NRG2: variants seen among roughly 807,000 people sequenced by gnomAD.
The protein encoded by NRG2 is pro-neuregulin-2, membrane-bound isoform.
Under a neutral mutation model 73.9 loss-of-function variants are expected in NRG2, and 27 were observed. The observed-to-expected ratio is 0.37, with a 90% CI of 0.27 to 0.50. NRG2 has a LOEUF of 0.50. Ranked by LOEUF, NRG2 falls within the 20% of genes least tolerant of loss-of-function variation. The pLI is 0.96. For missense variants in NRG2, 1,126 were observed against 1,210.1 expected, an observed-to-expected ratio of 0.93 and a Z score of 1.03; for synonymous variants, 532 against 541.0, an observed-to-expected ratio of 0.98 and a Z score of 0.23.
chr5:139,995,689 A>G (rs1757966674), intron 1 of NRG2, among the ~76,000 whole-genome samples: 1 of 152,070 alleles, frequency 6.6e-6, no homozygotes, highest in African/African-American at 2.4e-5. Context: ...GTCCACCTAC[A>G]GGTATTATGG....
chr5:139,852,540 G>A lies in NRG2; in HGVS notation c.1436C>T (p.Pro479Leu). 1 of 1,614,006 alleles carries A rather than the reference G, an allele frequency of 6.2e-7. No homozygotes were observed. The highest frequency in any genetic ancestry group is 8.5e-7 in the Non-Finnish European group (1 of 1,179,958). The change falls in exon 8 of 10, where the codon CCA (proline) becomes CTA (leucine). Residue 479 changes from proline to leucine, a missense_variant. This residue lies in a region of NRG2 where 539 missense variants were observed against 703.2 expected (regional missense o/e 0.77). Transcript: ENST00000361474. This position sits in a 1 kb window ranked among gnomAD's most constrained non-coding sequence, Gnocchi z 4.4. ...QMADYISKNV[P>L]ATDHVIRRET... ...TCTCCTGATGACATGGTCTGTGGCT[G>A]GCACGTTCTTGGAAATATACTGGAA...
At chr5:139,875,510 T>C in intron 3 of NRG2, among the ~76,000 whole-genome samples, 1 of 152,248 alleles carries the variant, frequency 6.6e-6, no homozygotes, top group East Asian at 1.9e-4. Context: ...TGCCCTGTGC[T>C]ACCATCCCAG....
chr5:139,909,444 G>T lies in NRG2; in HGVS notation c.701-21933C>A, dbSNP rs430859. 5.6e-3 allele frequency among the ~76,000 whole-genome samples: 857 copies of T among 152,290 alleles called. 4 individuals are homozygous for T. The highest frequency in any genetic ancestry group is 0.02 in the African/African-American group (817 of 41,560). On this transcript the variant is annotated intron_variant, in intron 1 of 9. Transcript: ENST00000361474. ...TCCCCTTGGACTCACTATGTCATGG[G>T]AATTATTGGGGGAGAGCTTCAGTGG... is the stretch of plus-strand genomic sequence containing the variant.
At chr5:139,900,097 G>T in intron 1 of NRG2, among the ~76,000 whole-genome samples, 1 of 152,040 alleles carries the variant, frequency 6.6e-6, no homozygotes. Context: ...TCTTTCCCTG[G>T]TAAGTTCCTA....
chr5:139,859,803 A>G, intron 5 of NRG2: 1 of 1,428,628 alleles, frequency 7.0e-7, no homozygotes, highest in Non-Finnish European at 9.7e-7. Flanking sequence ...TTTGGAAAGG[A>G]AACCAAACAT....
chr5:139,960,470 G>A (rs1208277179), intron 1 of NRG2, among the ~76,000 whole-genome samples: 1 of 152,170 alleles, frequency 6.6e-6, no homozygotes, highest in Non-Finnish European at 1.5e-5. Flanking sequence ...AGCCAAGGTT[G>A]CGCCACTGGA....
chr5:140,004,014 T>C (rs1208793089), intron 1 of NRG2, among the ~76,000 whole-genome samples: 3 of 152,194 alleles, frequency 2.0e-5, no homozygotes, highest in African/African-American at 7.2e-5. Flanking sequence ...TAAGTAATTT[T>C]CTATGTTTGA....
intron 1 of NRG2, among the ~76,000 whole-genome samples, chr5:139,914,996 C>T (rs1751143361): frequency 6.6e-6 from 1 of 152,182 alleles, no homozygotes; most frequent in African/African-American, 2.4e-5. Context: ...TGGCCTTTGT[C>T]ACCTCATCTT....
chr5:139,986,588 A>G (rs984036096), intron 1 of NRG2, among the ~76,000 whole-genome samples: 1 of 152,020 alleles, frequency 6.6e-6, no homozygotes, highest in Non-Finnish European at 1.5e-5. Flanking sequence ...TGACCATCTC[A>G]ACTGCACACC....
intron 3 of NRG2, among the ~76,000 whole-genome samples, chr5:139,876,927 G>C (rs1250120554): frequency 8.4e-5 from 1 of 11,946 alleles, no homozygotes; most frequent in Non-Finnish European, 2.3e-4. Flanking sequence ...ATGTGCATCT[G>C]TGTGTGTGTG....
At chr5:140,027,555 T>A (rs1760795197) in intron 1 of NRG2, among the ~76,000 whole-genome samples, 1 of 152,220 alleles carries the variant, frequency 6.6e-6, no homozygotes, top group Admixed American at 6.5e-5. Context: ...CAATAGGATA[T>A]TTTGAGAGAG....
chr5:139,866,801 C>T (rs898892975), intron 4 of NRG2, among the ~76,000 whole-genome samples: 29 of 152,210 alleles, frequency 1.9e-4, no homozygotes, highest in African/African-American at 7.0e-4. Flanking sequence ...TGGCTGCCAG[C>T]CCTCTCCTCA....
At chr5:140,001,513 T>C (rs1758472934) in intron 1 of NRG2, among the ~76,000 whole-genome samples, 1 of 152,130 alleles carries the variant, frequency 6.6e-6, no homozygotes, top group South Asian at 2.1e-4. Context: ...GCAGATATAA[T>C]TCATTCTACA....
At position 139,914,458 on chromosome 5, in the gene NRG2, T is replaced by G. The variant is rs556592372; in HGVS notation, c.701-26947A>C. On this transcript the variant is annotated intron_variant, in intron 1 of 9. Transcript: ENST00000361474. ...GAACTCAGCCTCGTTCAGAGCTACC[T>G]TCCTCTCGCTGCTTTCCAGGGTTCC... is the stretch of plus-strand genomic sequence containing the variant. Among the ~76,000 whole-genome samples the G allele has an allele frequency of 3.1e-3, 466 of 152,260 alleles. 1 individual carries two copies. Among genetic ancestry groups the G allele is most frequent in the Non-Finnish European group, 5.2e-3 (357 of 68,010 alleles).
At chr5:139,956,923 G>C (rs1754667648) in intron 1 of NRG2, among the ~76,000 whole-genome samples, 1 of 152,224 alleles carries the variant, frequency 6.6e-6, no homozygotes, top group Non-Finnish European at 1.5e-5. Context: ...ACCATCTGGA[G>C]AAGATGACAG....
intron 1 of NRG2, among the ~76,000 whole-genome samples, chr5:139,978,798 C>T (rs62383911): frequency 4.6e-5 from 7 of 151,896 alleles, no homozygotes; most frequent in Admixed American, 2.0e-4. Flanking sequence ...ATGTTTATTG[C>T]GGCACTATTC....
intron 1 of NRG2, among the ~76,000 whole-genome samples, chr5:139,911,155 G>C (rs180895042): frequency 1.3e-5 from 2 of 152,164 alleles, no homozygotes; most frequent in African/African-American, 4.8e-5. Flanking sequence ...ACAATGGGGT[G>C]GGGGGACAGC....
At chr5:139,953,473 T>C (rs35125195) in intron 1 of NRG2, among the ~76,000 whole-genome samples, 23,115 of 151,960 alleles carry the variant, frequency 0.15, 1,943 homozygotes, top group South Asian at 0.25. Context: ...CTCACTGCAC[T>C]CCATCCTCCA....
Position 139,868,993 on chromosome 5 carries a change from G to A in NRG2, c.1112+2728C>T, listed in dbSNP as rs1762672258. On this transcript the variant is annotated intron_variant, in intron 4 of 9. Transcript: ENST00000361474. This position sits in a 1 kb window ranked among gnomAD's most constrained non-coding sequence, Gnocchi z 4.2. ...AGTCCCCAAGAGTCACGCACCAACC[G>A]TGCTCTACAAACACACGGAGAGAAG... is the stretch of plus-strand genomic sequence containing the variant. 6.6e-6 allele frequency among the ~76,000 whole-genome samples: 1 copy of A among 152,036 alleles called. No homozygotes were observed. The highest frequency in any genetic ancestry group is 2.4e-5 in the African/African-American group (1 of 41,378).
Sources: allele counts gnomAD v4.1 joint callset (sites outside exome capture counted in the v4.1 genomes callset), GRCh38; gene constraint gnomAD v4.1.1; regional missense constraint gnomAD v4.1.1; non-coding constraint Gnocchi (gnomAD v3.1); transcripts MANE v1.5; gene names NCBI Gene and HGNC (gene_info 2026-07-23, HGNC 2026-07-21).